ITGA8: variants seen among roughly 807,000 people sequenced by gnomAD.
ITGA8 encodes the protein integrin alpha-8.
A neutral mutation model predicts 142.3 loss-of-function variants in ITGA8; 91 were observed. The ratio of observed to expected loss-of-function variants is 0.64; its 90% CI spans 0.54 to 0.76. The LOEUF (loss-of-function observed/expected upper bound fraction) is 0.76. ITGA8 is among the 30% of genes least tolerant of loss of function. ITGA8 has a pLI of 0.00. For synonymous variants in ITGA8, 505 were observed against 485.2 expected, an observed-to-expected ratio of 1.04 and a Z score of -0.54; for missense variants, 1,406 against 1,327.7, an observed-to-expected ratio of 1.06 and a Z score of -0.92.
At chr10:15,571,470 G>A (rs531979179) in intron 25 of ITGA8, among the ~76,000 whole-genome samples, 1 of 152,296 alleles carries the variant, frequency 6.6e-6, no homozygotes, top group East Asian at 1.9e-4. Context: ...ATTTTCAAGG[G>A]CTTATGCTAA....
chr10:15,678,037 T>C (rs547061778), intron 5 of ITGA8, among the ~76,000 whole-genome samples: 20 of 152,284 alleles, frequency 1.3e-4, no homozygotes, highest in African/African-American at 4.6e-4. Context: ...TAATGCCTAT[T>C]TTTTTCCATA....
intron 26 of ITGA8, among the ~76,000 whole-genome samples, chr10:15,554,895 G>A (rs193000351): frequency 2.6e-5 from 4 of 152,168 alleles, no homozygotes; most frequent in Non-Finnish European, 4.4e-5. Context: ...CAGAGAGGGA[G>A]AGAGAAAGCA....
intron 2 of ITGA8, among the ~76,000 whole-genome samples, chr10:15,704,715 AG>A (rs1835226221): frequency 6.6e-6 from 1 of 152,212 alleles, no homozygotes; most frequent in Non-Finnish European, 1.5e-5. Context: ...ATTTGCTTCA[AG>A]AAGTAATGAA....
chr10:15,635,190 A>G (rs1484194370), intron 13 of ITGA8, among the ~76,000 whole-genome samples: 2 of 151,770 alleles, frequency 1.3e-5, no homozygotes. Flanking sequence ...TATTTTTAGT[A>G]GAGACAGGGT....
At chr10:15,524,764 G>T (rs1833136875) in intron 28 of ITGA8, among the ~76,000 whole-genome samples, 1 of 152,130 alleles carries the variant, frequency 6.6e-6, no homozygotes, top group Admixed American at 6.5e-5. Flanking sequence ...TAGTGCTGTG[G>T]GACTGCAGGC....
At chr10:15,647,217 C>A (rs1833998726) in intron 11 of ITGA8, among the ~76,000 whole-genome samples, 166 bp from the exon 12 acceptor site, 1 of 152,176 alleles carries the variant, frequency 6.6e-6, no homozygotes, top group East Asian at 1.9e-4. Flanking sequence ...TCTATGGAAT[C>A]GAATGCTGTA....
chr10:15,521,082 G>C (rs950658369), intron 28 of ITGA8, among the ~76,000 whole-genome samples: 1 of 152,288 alleles, frequency 6.6e-6, no homozygotes, highest in Non-Finnish European at 1.5e-5. Flanking sequence ...GCAATGGCAC[G>C]ATCTTGGCTC....
intron 2 of ITGA8, among the ~76,000 whole-genome samples, chr10:15,694,236 TATATC>T (rs1376893296): frequency 3.0e-5 from 4 of 135,316 alleles, no homozygotes; most frequent in Admixed American, 1.6e-4. Context: ...TATATGATAA[TATATC>T]ATATATATGA....
At chr10:15,644,472 ATATATATATATATATATATAGAAT>A (rs1299859754) in intron 12 of ITGA8, among the ~76,000 whole-genome samples, 263 of 16,314 alleles carry the variant, frequency 0.016, 16 homozygotes, top group Non-Finnish European at 0.039. Context: ...ATATATATAT[ATATATATATATATATATATAGAAT>A]TTTTTTTTTT....
chr10:15,659,087 A>G, intron 9 of ITGA8, 32 bp from the exon 10 acceptor site: 1 of 1,493,940 alleles, frequency 6.7e-7, no homozygotes, highest in Non-Finnish European at 9.1e-7. Flanking sequence ...AGGTTACACC[A>G]TTTGCCATAG....
At chr10:15,545,412 A>C (rs1638723366) in intron 27 of ITGA8, among the ~76,000 whole-genome samples, 1 of 152,238 alleles carries the variant, frequency 6.6e-6, no homozygotes, top group Non-Finnish European at 1.5e-5. Context: ...AGTAGCTTCC[A>C]AACCCAGTGC....
Position 15,676,659 on chromosome 10 carries a change from A to G in ITGA8, c.676+933T>C, listed in dbSNP as rs1230092254. Among the ~76,000 whole-genome samples, 3 of 152,316 alleles carry G rather than the reference A, an allele frequency of 2.0e-5. No individual in the cohort carries two copies. The East Asian group carries it at 5.8e-4, about 29-fold the overall frequency. On this transcript the variant is annotated intron_variant, in intron 6 of 29. Transcript: ENST00000378076. Reference sequence around the variant, plus strand: ...ACAGAGCTTGGCAGAGCCTCAACACATTGTTGATGGAGAAATGAATTGTTA... The same window carrying G: ...ACAGAGCTTGGCAGAGCCTCAACACGTTGTTGATGGAGAAATGAATTGTTA...
chr10:15,696,664 TA>T (rs536677793), intron 2 of ITGA8, among the ~76,000 whole-genome samples: 78 of 152,284 alleles, frequency 5.1e-4, no homozygotes, highest in African/African-American at 1.7e-3. Context: ...TTTATATGTA[TA>T]TTTCCTTCTG....
chr10:15,542,559 T>C (rs930775353), intron 27 of ITGA8, among the ~76,000 whole-genome samples: 2 of 152,192 alleles, frequency 1.3e-5, no homozygotes, highest in African/African-American at 4.8e-5. Context: ...ATATAGTAGT[T>C]ATAGTATAGT....
intron 2 of ITGA8, among the ~76,000 whole-genome samples, chr10:15,696,586 T>TG (rs1321024281): frequency 6.6e-6 from 1 of 152,206 alleles, no homozygotes; most frequent in African/African-American, 2.4e-5. Flanking sequence ...TAATAACATT[T>TG]GCTCTACTTC....
intron 2 of ITGA8, among the ~76,000 whole-genome samples, chr10:15,703,841 TCC>T (rs1564416929): frequency 6.6e-6 from 1 of 151,712 alleles, no homozygotes; most frequent in Non-Finnish European, 1.5e-5. Flanking sequence ...CTGAAAATCC[TCC>T]CCCAAAACAC....
intron 25 of ITGA8, among the ~76,000 whole-genome samples, chr10:15,561,209 C>CTATATATATATATATATA (rs529527480): frequency 5.1e-5 from 6 of 116,948 alleles, no homozygotes; most frequent in African/African-American, 2.2e-4. Context: ...TATCTGTTGG[C>CTATATATATATATATATA]TATATATATA....
At chr10:15,686,589 C>T (rs1834836468) in intron 3 of ITGA8, among the ~76,000 whole-genome samples, 1 of 152,142 alleles carries the variant, frequency 6.6e-6, no homozygotes, top group Non-Finnish European at 1.5e-5. Flanking sequence ...TTGACCCAAA[C>T]CCGCTATGTA....
At chr10:15,713,696 A>G (rs1381792102) in intron 2 of ITGA8, among the ~76,000 whole-genome samples, 1 of 152,154 alleles carries the variant, frequency 6.6e-6, no homozygotes, top group Non-Finnish European at 1.5e-5. Context: ...GCAGAACCAG[A>G]TGCTTTAAGC....
Sources: gnomAD v4.1 joint callset for allele counts (sites outside exome capture counted in the v4.1 genomes callset) on GRCh38, gnomAD v4.1.1 for gene constraint, MANE v1.5 for transcripts, NCBI Gene and HGNC (gene_info 2026-07-23, HGNC 2026-07-21) for gene names.